Variants in ERBB4 observed in about 807,000 individuals in gnomAD.
The protein encoded by ERBB4 is erb-b2 receptor tyrosine kinase 4.
In ERBB4, 42 loss-of-function variants were observed where a neutral mutation model predicts 158.0. The ratio of observed to expected loss-of-function variants is 0.27; its 90% CI spans 0.21 to 0.34. The LOEUF is 0.34. Ranked by LOEUF, ERBB4 falls within the 10% of genes least tolerant of loss-of-function variation. The pLI, the probability that ERBB4 is intolerant of heterozygous loss-of-function variation, is 1.00. For synonymous variants in ERBB4, 583 were observed against 558.7 expected, an observed-to-expected ratio of 1.04 and a Z score of -0.61; for missense variants, 1,333 against 1,624.1, an observed-to-expected ratio of 0.82 and a Z score of 3.08.
chr2:212,102,787 A>G (rs1264160749), intron 2 of ERBB4, among the ~76,000 whole-genome samples: 1 of 152,120 alleles, frequency 6.6e-6, no homozygotes, highest in Non-Finnish European at 1.5e-5. Flanking sequence ...TCTTCCACTC[A>G]ATTGATCTTC....
At chr2:211,897,931 A>AC (rs2079141695) in intron 3 of ERBB4, among the ~76,000 whole-genome samples, 1 of 150,870 alleles carries the variant, frequency 6.6e-6, no homozygotes, top group Admixed American at 6.6e-5. Context: ...TAATATTTAA[A>AC]TTTTTTTTTA....
chr2:211,677,911 G>T (rs7562573), intron 13 of ERBB4, among the ~76,000 whole-genome samples: 67,980 of 151,782 alleles, frequency 0.45, 15,999 homozygotes, highest in African/African-American at 0.53. Flanking sequence ...TAAAAATAAA[G>T]AAAGAAAATA....
At chr2:211,487,470 T>C (rs2065236472) in intron 20 of ERBB4, among the ~76,000 whole-genome samples, 1 of 152,112 alleles carries the variant, frequency 6.6e-6, no homozygotes, top group Non-Finnish European at 1.5e-5. Context: ...GAATTAACTA[T>C]TAATAAATAT....
chr2:211,964,561 C>T (rs1466650846), intron 2 of ERBB4, among the ~76,000 whole-genome samples: 2 of 152,164 alleles, frequency 1.3e-5, no homozygotes, highest in African/African-American at 4.8e-5. Context: ...TTTCACCTCT[C>T]TTGTCTAGAA....
At chr2:211,938,069 T>C (rs13401829) in intron 3 of ERBB4, among the ~76,000 whole-genome samples, 35,926 of 152,082 alleles carry the variant, frequency 0.24, 5,829 homozygotes, top group Non-Finnish European at 0.36. Flanking sequence ...AAATGACACA[T>C]TCTGTATTCT....
intron 20 of ERBB4, among the ~76,000 whole-genome samples, chr2:211,511,964 G>A (rs1042146738): frequency 3.3e-5 from 5 of 152,076 alleles, no homozygotes; most frequent in Non-Finnish European, 7.4e-5. Context: ...AAATCATGGA[G>A]ACATTGTATA....
intron 21 of ERBB4, among the ~76,000 whole-genome samples, chr2:211,429,700 C>G (rs10497944): frequency 0.31 from 47,444 of 152,068 alleles, 8,437 homozygotes; most frequent in Non-Finnish European, 0.39. Context: ...AACTCTATGA[C>G]AGAATCATGG....
At chr2:211,637,917 A>AT (rs2070420662) in intron 16 of ERBB4, among the ~76,000 whole-genome samples, 1 of 151,934 alleles carries the variant, frequency 6.6e-6, no homozygotes, top group South Asian at 2.1e-4. Flanking sequence ...TTCAATATCT[A>AT]TGCTTGATAG....
intron 1 of ERBB4, among the ~76,000 whole-genome samples, chr2:212,284,133 TCAA>T (rs370395079): frequency 4.9e-4 from 74 of 152,248 alleles, no homozygotes; most frequent in Middle Eastern, 6.8e-3. Flanking sequence ...AAGTTTTTAT[TCAA>T]CGTAATATTA....
chr2:212,050,974 A>T (rs1266100794), intron 2 of ERBB4, among the ~76,000 whole-genome samples: 3 of 152,170 alleles, frequency 2.0e-5, no homozygotes, highest in Admixed American at 6.5e-5. Context: ...CAGGGAATGT[A>T]AAAGAGCAGC....
intron 3 of ERBB4, among the ~76,000 whole-genome samples, chr2:211,883,707 G>A (rs1265172768): frequency 1.3e-5 from 2 of 152,086 alleles, no homozygotes; most frequent in African/African-American, 2.4e-5. Context: ...CAAGAGAATC[G>A]CTTGAACCCA....
At chr2:211,499,948 C>T (rs2065575182) in intron 20 of ERBB4, among the ~76,000 whole-genome samples, 1 of 146,214 alleles carries the variant, frequency 6.8e-6, no homozygotes, top group Admixed American at 7.2e-5. Flanking sequence ...ATGTAGATGA[C>T]AAGAGAATAC....
At position 211,509,501 on chromosome 2, in the gene ERBB4, A is replaced by C. The variant is rs111903324; in HGVS notation, c.2487+52402T>G. 9.5e-3 allele frequency among the ~76,000 whole-genome samples: 1,448 copies of C among 152,202 alleles called. 27 individuals are homozygous for C. Among genetic ancestry groups the C allele is most frequent in the African/African-American group, 0.033 (1,381 of 41,560 alleles). On this transcript the variant is annotated intron_variant, in intron 20 of 27. Transcript: ENST00000342788. ...CTCAAACTAAAGAAATCCTAGCAAA[A>C]AAATCTAGGAAATACCATTCTGGAT...
chr2:212,142,325 G>A (rs2080507824), intron 1 of ERBB4, among the ~76,000 whole-genome samples: 1 of 151,838 alleles, frequency 6.6e-6, no homozygotes, highest in Non-Finnish European at 1.5e-5. Flanking sequence ...ACCCATAGTA[G>A]GTACTCAATA....
intron 5 of ERBB4, among the ~76,000 whole-genome samples, chr2:211,735,204 CT>C (rs1447387916): frequency 7.1e-6 from 1 of 141,614 alleles, no homozygotes; most frequent in Admixed American, 7.2e-5. Flanking sequence ...ACTTTATGAC[CT>C]GAGTATCACA....
At chr2:212,000,758 G>A (rs535040912) in intron 2 of ERBB4, among the ~76,000 whole-genome samples, 1 of 151,662 alleles carries the variant, frequency 6.6e-6, no homozygotes, top group South Asian at 2.1e-4. Context: ...TAATTAGATA[G>A]AATCATGTAT....
At chr2:212,197,223 CAT>C (rs1453737430) in intron 1 of ERBB4, among the ~76,000 whole-genome samples, 1 of 152,162 alleles carries the variant, frequency 6.6e-6, no homozygotes, top group Non-Finnish European at 1.5e-5. Flanking sequence ...TATTTAGAAA[CAT>C]ATTCAATTGC....
At chr2:212,367,778 T>C (rs1182274408) in intron 1 of ERBB4, among the ~76,000 whole-genome samples, 2 of 152,020 alleles carry the variant, frequency 1.3e-5, no homozygotes, top group South Asian at 2.1e-4. Context: ...GCTAAGGGCA[T>C]GAATAGACAA....
intron 3 of ERBB4, among the ~76,000 whole-genome samples, chr2:211,811,466 C>T (rs1167129999): frequency 6.6e-6 from 1 of 151,762 alleles, no homozygotes; most frequent in African/African-American, 2.4e-5. Flanking sequence ...TCATTTCAAC[C>T]TTGGTGAATC....
Sources: allele counts gnomAD v4.1 joint callset (sites outside exome capture counted in the v4.1 genomes callset), GRCh38; gene constraint gnomAD v4.1.1; transcripts MANE v1.5; gene names NCBI Gene and HGNC (gene_info 2026-07-23, HGNC 2026-07-21).